Variants in SYNPR observed in about 807,000 individuals in gnomAD.
The protein encoded by SYNPR is synaptoporin.
A neutral mutation model predicts 32.9 loss-of-function variants in SYNPR; 23 were observed. The ratio of observed to expected loss-of-function variants is 0.70; its 90% CI spans 0.50 to 0.99. The LOEUF is 0.99. Ranked by LOEUF, SYNPR falls within the 50% of genes least tolerant of loss-of-function variation. The probability of loss-of-function intolerance (pLI) is 0.00; values close to 1 mark genes in which losing one functional copy is unlikely to be tolerated. For synonymous variants in SYNPR, 146 were observed against 135.9 expected, an observed-to-expected ratio of 1.07 and a Z score of -0.52; for missense variants, 318 against 349.3, an observed-to-expected ratio of 0.91 and a Z score of 0.71.
At chr3:63,287,513 C>T (rs1022112585) in intron 2 of SYNPR, among the ~76,000 whole-genome samples, 6 of 152,084 alleles carry the variant, frequency 3.9e-5, no homozygotes, top group Non-Finnish European at 7.3e-5. Flanking sequence ...GAGCAGGGAT[C>T]TTGTTGGTCC....
At chr3:63,247,810 A>G (rs893082637) in intron 1 of SYNPR, among the ~76,000 whole-genome samples, 3 of 152,106 alleles carry the variant, frequency 2.0e-5, no homozygotes, top group Admixed American at 1.3e-4. Flanking sequence ...GGGTCAGAAC[A>G]CTGGGAAGTG....
the SYNPR span, among the ~76,000 whole-genome samples, chr3:63,211,708 C>CT: frequency 0.027 from 3,898 of 146,826 alleles, 115 homozygotes; most frequent in African/African-American, 0.078. Flanking sequence ...TTGAATCTTT[C>CT]TTTTTTTTTT....
At chr3:63,611,742 TG>T (rs1299079484) in intron 5 of SYNPR, among the ~76,000 whole-genome samples, 1 of 152,218 alleles carries the variant, frequency 6.6e-6, no homozygotes, top group Non-Finnish European at 1.5e-5. Context: ...TAAGTTTATA[TG>T]TATTTTTTAA....
At chr3:63,516,007 A>G (rs1401020041) in intron 3 of SYNPR, among the ~76,000 whole-genome samples, 1 of 152,128 alleles carries the variant, frequency 6.6e-6, no homozygotes, top group Non-Finnish European at 1.5e-5. Context: ...CGGCTAATAT[A>G]AACTATGGTA....
At chr3:63,476,593 G>GATGTGGCAA (rs1197278087) in intron 2 of SYNPR, among the ~76,000 whole-genome samples, 1 of 152,000 alleles carries the variant, frequency 6.6e-6, no homozygotes, top group African/African-American at 2.4e-5. Context: ...AACTCTTACC[G>GATGTGGCAA]ATGTGGCAAA....
chr3:63,290,141 A>AAAAAAAAAC (rs11280661), intron 2 of SYNPR, among the ~76,000 whole-genome samples: 1 of 145,524 alleles, frequency 6.9e-6, no homozygotes, highest in African/African-American at 2.6e-5. Flanking sequence ...AAAAACAAAA[A>AAAAAAAAAC]AACTCCTTTT....
At chr3:63,210,199 T>C in the SYNPR span, among the ~76,000 whole-genome samples, 1 of 152,200 alleles carries the variant, frequency 6.6e-6, no homozygotes, top group Admixed American at 6.5e-5. Context: ...TACTTATATA[T>C]CTTGGCCAGT....
At chr3:63,515,262 T>C (rs1191857227) in intron 3 of SYNPR, among the ~76,000 whole-genome samples, 1 of 152,082 alleles carries the variant, frequency 6.6e-6, no homozygotes, top group African/African-American at 2.4e-5. Context: ...CTACTCTTCC[T>C]ACTCCCCCTC....
intron 1 of SYNPR, among the ~76,000 whole-genome samples, chr3:63,247,752 C>T (rs1176840027): frequency 1.3e-5 from 2 of 152,096 alleles, no homozygotes; most frequent in African/African-American, 4.8e-5. Flanking sequence ...AAGGGAAAGG[C>T]ATTTTACCCG....
intron 2 of SYNPR, among the ~76,000 whole-genome samples, chr3:63,418,071 C>T (rs533141759): frequency 6.6e-6 from 1 of 152,134 alleles, no homozygotes; most frequent in South Asian, 2.1e-4. Flanking sequence ...ATTTTCCAAA[C>T]GTTTATGCTC....
At chr3:63,394,057 G>A (rs926894487) in intron 2 of SYNPR, among the ~76,000 whole-genome samples, 1 of 152,048 alleles carries the variant, frequency 6.6e-6, no homozygotes, top group East Asian at 1.9e-4. Context: ...ATCTCCCAAG[G>A]TCAGAATTAT....
At chr3:63,218,082 A>C in the SYNPR span, among the ~76,000 whole-genome samples, 1 of 152,170 alleles carries the variant, frequency 6.6e-6, no homozygotes, top group East Asian at 1.9e-4. Flanking sequence ...GCAGTGACCC[A>C]AGATTGTGCC....
At chr3:63,372,637 CA>C (rs369765564) in intron 2 of SYNPR, among the ~76,000 whole-genome samples, 15 of 152,270 alleles carry the variant, frequency 9.9e-5, no homozygotes, top group African/African-American at 3.4e-4. Flanking sequence ...TGATTAATAG[CA>C]GCTCTGAATC....
chr3:63,370,642 T>A (rs1008376036), intron 2 of SYNPR, among the ~76,000 whole-genome samples: 1 of 152,188 alleles, frequency 6.6e-6, no homozygotes, highest in East Asian at 1.9e-4. Flanking sequence ...AAATTTTTAG[T>A]CTGGGGGCAT....
intron 1 of SYNPR, among the ~76,000 whole-genome samples, chr3:63,233,550 A>G (rs2086180637): frequency 6.6e-6 from 1 of 152,210 alleles, no homozygotes. Context: ...GAATTCCTAA[A>G]AGATTCTATG....
At chr3:63,414,543 A>G (rs2088514246) in intron 2 of SYNPR, among the ~76,000 whole-genome samples, 1 of 152,210 alleles carries the variant, frequency 6.6e-6, no homozygotes, top group South Asian at 2.1e-4. Context: ...GCAATTCAGA[A>G]ATATTGTGAA....
chr3:63,538,938 A>G (rs1241533083), intron 3 of SYNPR, among the ~76,000 whole-genome samples: 1 of 152,146 alleles, frequency 6.6e-6, no homozygotes, highest in Non-Finnish European at 1.5e-5. Context: ...TGTATAGTCT[A>G]TAGTAACCAA....
At chr3:63,613,218 C>A (rs1213580881) in intron 5 of SYNPR, among the ~76,000 whole-genome samples, 1 of 151,362 alleles carries the variant, frequency 6.6e-6, no homozygotes, top group Non-Finnish European at 1.5e-5. Flanking sequence ...TTTTTATACT[C>A]TTATATTGAC....
chr3:63,374,910 T>G (rs1475896187), intron 2 of SYNPR, among the ~76,000 whole-genome samples: 1 of 152,206 alleles, frequency 6.6e-6, no homozygotes, highest in Non-Finnish European at 1.5e-5. Context: ...GTGGTGTTAT[T>G]TCTGAGGCCT....
Sources: gnomAD v4.1 joint callset for allele counts (sites outside exome capture counted in the v4.1 genomes callset) on GRCh38, gnomAD v4.1.1 for gene constraint, MANE v1.5 for transcripts, NCBI Gene and HGNC (gene_info 2026-07-23, HGNC 2026-07-21) for gene names.